Variants in ERBB4 observed in about 807,000 individuals in gnomAD.
ERBB4 encodes the protein receptor tyrosine-protein kinase erbB-4.
ERBB4 carries 42 observed loss-of-function variants against 158.0 expected under a neutral mutation model. That is an observed-to-expected ratio of 0.27 (90% confidence interval 0.21 to 0.34). The LOEUF is 0.34. ERBB4 is among the 10% of genes least tolerant of loss of function. ERBB4 has a pLI of 1.00. For synonymous variants in ERBB4, 583 were observed against 558.7 expected, an observed-to-expected ratio of 1.04 and a Z score of -0.61; for missense variants, 1,333 against 1,624.1, an observed-to-expected ratio of 0.82 and a Z score of 3.08.
At chr2:212,407,409 C>T (rs907252439) in intron 1 of ERBB4, among the ~76,000 whole-genome samples, 3 of 151,884 alleles carry the variant, frequency 2.0e-5, no homozygotes, top group African/African-American at 7.2e-5. Context: ...AACATTATTC[C>T]TATTTTACAG....
At chr2:212,374,303 G>A (rs2090244300) in intron 1 of ERBB4, among the ~76,000 whole-genome samples, 1 of 151,458 alleles carries the variant, frequency 6.6e-6, no homozygotes, top group Admixed American at 6.6e-5. Context: ...TTTGAAGGAA[G>A]TTGGTGATGA....
At chr2:212,151,794 C>T (rs1316854037) in intron 1 of ERBB4, among the ~76,000 whole-genome samples, 1 of 152,100 alleles carries the variant, frequency 6.6e-6, no homozygotes, top group African/African-American at 2.4e-5. Context: ...GAGGCTGAGG[C>T]ACGAGAATCG....
chr2:212,508,604 G>A (rs1484250133), intron 1 of ERBB4, among the ~76,000 whole-genome samples: 1 of 106,972 alleles, frequency 9.3e-6, no homozygotes, highest in African/African-American at 3.6e-5. Context: ...TACAATTAGA[G>A]AGAGAACACA....
chr2:211,818,504 G>T (rs2076925675), intron 3 of ERBB4, among the ~76,000 whole-genome samples: 1 of 151,978 alleles, frequency 6.6e-6, no homozygotes, highest in African/African-American at 2.4e-5. Flanking sequence ...GGGCAGAAGG[G>T]TATTCCAATA....
Position 211,630,609 on chromosome 2 carries a change from G to GA in ERBB4, c.1947-16dup, listed in dbSNP as rs1574890477. 4 of 1,583,832 alleles carry GA rather than the reference G, an allele frequency of 2.5e-6. No homozygotes were observed. The African/African-American group carries it at 6.1e-5, about 24-fold the overall frequency. On this transcript the variant is annotated splice_polypyrimidine_tract_variant and intron_variant, in intron 16 of 27. Transcript: ENST00000342788. Reference sequence around the variant, plus strand: ...TCAGGGGAGTTCTGACAACCAGAATGAGAAAAAAAAAAATAAAAAGTATGA... The same window carrying GA: ...TCAGGGGAGTTCTGACAACCAGAATGAAGAAAAAAAAAAATAAAAAGTATGA...
chr2:211,486,460 T>C (rs34631772), intron 20 of ERBB4, among the ~76,000 whole-genome samples: 36,283 of 151,538 alleles, frequency 0.24, 4,853 homozygotes, highest in African/African-American at 0.36. Context: ...GCAACCTATG[T>C]CGAGTTAACC....
At chr2:211,485,684 G>A (rs2065185169) in intron 20 of ERBB4, among the ~76,000 whole-genome samples, 1 of 139,060 alleles carries the variant, frequency 7.2e-6, no homozygotes, top group South Asian at 2.6e-4. Flanking sequence ...GAATATCCAG[G>A]AACATGTCGC....
At chr2:212,386,986 A>T (rs1253919418) in intron 1 of ERBB4, among the ~76,000 whole-genome samples, 1 of 152,112 alleles carries the variant, frequency 6.6e-6, no homozygotes, top group African/African-American at 2.4e-5. Flanking sequence ...GTAAATAGTA[A>T]ATGACTGAAT....
At chr2:212,347,967 A>C (rs1016432780) in intron 1 of ERBB4, among the ~76,000 whole-genome samples, 1 of 152,136 alleles carries the variant, frequency 6.6e-6, no homozygotes, top group Non-Finnish European at 1.5e-5. Context: ...GTGAAATAGC[A>C]TTCAATTCCT....
At chr2:211,516,967 T>C (rs571798377) in intron 20 of ERBB4, among the ~76,000 whole-genome samples, 1 of 152,278 alleles carries the variant, frequency 6.6e-6, no homozygotes, top group South Asian at 2.1e-4. Context: ...GTTCTGAATC[T>C]CACCAATTTT....
At chr2:211,484,349 A>G (rs1356137513) in intron 20 of ERBB4, among the ~76,000 whole-genome samples, 1 of 152,172 alleles carries the variant, frequency 6.6e-6, no homozygotes, top group East Asian at 1.9e-4. Context: ...AACAAATAGC[A>G]AGATGGTAGA....
chr2:211,820,157 AG>A (rs1575194485), intron 3 of ERBB4, among the ~76,000 whole-genome samples: 1 of 151,974 alleles, frequency 6.6e-6, no homozygotes, highest in Non-Finnish European at 1.5e-5. Context: ...ACATATAAAA[AG>A]TATATAACTT....
chr2:212,283,442 G>T (rs2085834581), intron 1 of ERBB4, among the ~76,000 whole-genome samples: 1 of 151,810 alleles, frequency 6.6e-6, no homozygotes, highest in Non-Finnish European at 1.5e-5. Flanking sequence ...AAACTGAAAG[G>T]TTTGTTATAA....
chr2:212,193,382 A>G (rs1026179844), intron 1 of ERBB4, among the ~76,000 whole-genome samples: 6 of 152,110 alleles, frequency 3.9e-5, no homozygotes, highest in African/African-American at 1.4e-4. Context: ...GGAGATGTTA[A>G]GTATTTAATT....
chr2:211,752,023 G>A (rs534301661), intron 4 of ERBB4, among the ~76,000 whole-genome samples: 3 of 152,260 alleles, frequency 2.0e-5, no homozygotes, highest in South Asian at 2.1e-4. Flanking sequence ...CATCACCAGT[G>A]TATAATATCC....
intron 1 of ERBB4, among the ~76,000 whole-genome samples, chr2:212,157,868 TAAG>T (rs2081088459): frequency 6.6e-6 from 1 of 151,984 alleles, no homozygotes; most frequent in Non-Finnish European, 1.5e-5. Context: ...AGACTGGAGG[TAAG>T]AAGACCAGAG....
chr2:211,561,858 A>T (rs376161325), intron 20 of ERBB4, 45 bp downstream of exon 20: 1 of 1,526,318 alleles, frequency 6.6e-7, no homozygotes. Context: ...GTTAGGAAAT[A>T]TTAACCTAAA....
intron 16 of ERBB4, among the ~76,000 whole-genome samples, chr2:211,645,538 T>G (rs2105866513): frequency 6.6e-6 from 1 of 151,834 alleles, no homozygotes; most frequent in South Asian, 2.1e-4. Flanking sequence ...TCAACAGACT[T>G]TGGAAAAGTT....
intron 4 of ERBB4, among the ~76,000 whole-genome samples, chr2:211,773,621 TATATATATATATATATATATATATATA>T (rs2075780467): frequency 3.2e-5 from 2 of 63,020 alleles, no homozygotes; most frequent in African/African-American, 1.4e-4. Context: ...TATATATATA[TATATATATATATATATATATATATATA>T]ATATATATAC....
Sources: allele counts gnomAD v4.1 joint callset (sites outside exome capture counted in the v4.1 genomes callset), GRCh38; gene constraint gnomAD v4.1.1; transcripts MANE v1.5; gene names NCBI Gene and HGNC (gene_info 2026-07-23, HGNC 2026-07-21).